The following DNM3 variants were observed in gnomAD, a reference collection of about 807,000 sequenced individuals.
DNM3 encodes the protein dynamin 3.
DNM3 carries 47 observed loss-of-function variants against 101.6 expected under a neutral mutation model. That is an observed-to-expected ratio of 0.46 (90% CI 0.37 to 0.59). The LOEUF is 0.59. DNM3 is among the 20% of genes least tolerant of loss of function. The pLI, the probability that DNM3 is intolerant of heterozygous loss-of-function variation, is 0.00. For missense variants in DNM3, 849 were observed against 1,085.7 expected (o/e 0.78, Z 3.06); for synonymous variants, 385 against 387.9 (o/e 0.99, Z 0.09).
chr1:171,982,563 A>G (rs2044884559), intron 2 of DNM3, among the ~76,000 whole-genome samples: 1 of 151,774 alleles, frequency 6.6e-6, no homozygotes, highest in Non-Finnish European at 1.5e-5. Flanking sequence ...GCAGGTCTGA[A>G]CCCCAGTGAT....
chr1:171,856,037 T>G (rs1464305949), intron 1 of DNM3, among the ~76,000 whole-genome samples: 5 of 152,198 alleles, frequency 3.3e-5, no homozygotes, highest in Non-Finnish European at 1.5e-5. Context: ...TTGAGTTGAT[T>G]TTTATATATG....
chr1:171,924,669 A>C (rs990405022), intron 2 of DNM3, among the ~76,000 whole-genome samples: 8 of 152,176 alleles, frequency 5.3e-5, no homozygotes, highest in South Asian at 2.1e-4. Context: ...CTCCCTTGAC[A>C]TGTGGGGATT....
intron 20 of DNM3, among the ~76,000 whole-genome samples, chr1:172,396,505 T>C (rs2070015060): frequency 6.6e-6 from 1 of 152,210 alleles, no homozygotes; most frequent in Non-Finnish European, 1.5e-5. Context: ...GAAGGGCTAA[T>C]GGACTAACTA....
At position 172,409,939 on chromosome 1, in the gene DNM3, A is replaced by G. The variant is rs990723696; in HGVS notation, c.*2098A>G. ...AGATCAGCACAAACCATGTCAAAAA[A>G]AATTGGAGATTTTTTTCCAATTTTC... On this transcript the variant is annotated 3_prime_UTR_variant, in exon 21 of 21. Coordinates refer to ENST00000627582, the MANE Select transcript of DNM3 (RefSeq NM_015569.5). The G allele has an allele frequency of 2.0e-5, 20 of 985,646 alleles. No individual in the cohort carries two copies. Among genetic ancestry groups the G allele is most frequent in the Middle Eastern group, 1.0e-3 (2 of 1,936 alleles). 61.1% of individuals were successfully genotyped at this position (985,646 alleles called of 1,614,324 possible).
At position 172,044,397 on chromosome 1, in the gene DNM3, GA is replaced by G; in HGVS notation, c.1142del (p.Glu381GlyfsTer8). ...TTTGCATCTGCAGATGGAGTTCAAT[GA>G]GAAAGAATTGCGAAGAGAAATAAGC... Reference protein sequence around the residue: ...PFEIVKMEFNEKELRREISYA... With the variant: ...PFEIVKMEFNXKELRREISYA... On this transcript the variant is annotated frameshift_variant, in exon 9 of 21. Transcript: ENST00000627582. LOFTEE classifies it high-confidence loss of function. The G allele has an allele frequency of 6.2e-7, 1 of 1,607,726 alleles. No individual in the cohort carries two copies. The highest frequency in any genetic ancestry group is 8.5e-7 in the Non-Finnish European group (1 of 1,177,050).
chr1:172,032,323 A>G (rs2048667201), intron 4 of DNM3, 79 bp from the exon 5 acceptor site: 1 of 1,021,676 alleles, frequency 9.8e-7, no homozygotes, highest in Non-Finnish European at 1.5e-6. Context: ...TGTGCTTTAC[A>G]TTTAGCATTG....
At chr1:172,138,351 C>CAAAAA (rs926351922) in intron 14 of DNM3, 2 of 60,230 alleles carry the variant, frequency 3.3e-5, no homozygotes, top group Non-Finnish European at 6.9e-5. Context: ...TATCCCCTTC[C>CAAAAA]AAAAAAAAAA....
At chr1:172,169,186 A>T (rs579989) in intron 14 of DNM3, among the ~76,000 whole-genome samples, 73,808 of 151,546 alleles carry the variant, frequency 0.49, 19,556 homozygotes, top group African/African-American at 0.7. Context: ...TTGAGGGGAT[A>T]TTCCTCCATT....
At chr1:171,966,626 G>A (rs987570310) in intron 2 of DNM3, among the ~76,000 whole-genome samples, 1 of 152,186 alleles carries the variant, frequency 6.6e-6, no homozygotes, top group African/African-American at 2.4e-5. Flanking sequence ...CCACAGAGTT[G>A]TATTACACAA....
At chr1:172,315,183 G>C (rs184363786) in intron 16 of DNM3, among the ~76,000 whole-genome samples, 6 of 152,316 alleles carry the variant, frequency 3.9e-5, no homozygotes, top group Admixed American at 1.3e-4. Context: ...TGAGGGTCCT[G>C]TCTGTTAAAA....
chr1:172,259,350 A>G (rs2062550195), intron 15 of DNM3, among the ~76,000 whole-genome samples: 1 of 152,086 alleles, frequency 6.6e-6, no homozygotes, highest in Non-Finnish European at 1.5e-5. Flanking sequence ...TGGAGTGTAG[A>G]AGTCCCAACT....
At chr1:172,413,460 C>T (rs939042462), downstream of DNM3, among the ~76,000 whole-genome samples, 18 of 152,156 alleles carry the variant, frequency 1.2e-4, no homozygotes, top group Admixed American at 1.3e-4. Flanking sequence ...ATCTCTTGAC[C>T]TCGTGATCTG....
At chr1:172,204,224 T>G (rs528955740) in intron 14 of DNM3, among the ~76,000 whole-genome samples, 1 of 152,242 alleles carries the variant, frequency 6.6e-6, no homozygotes, top group South Asian at 2.1e-4. Flanking sequence ...TTTGGTATGT[T>G]TTATTGTTTT....
At chr1:172,302,371 C>T (rs2064505476) in intron 15 of DNM3, among the ~76,000 whole-genome samples, 1 of 152,218 alleles carries the variant, frequency 6.6e-6, no homozygotes, top group African/African-American at 2.4e-5. Flanking sequence ...AGCTGGGAAG[C>T]TTGAAGTGGG....
chr1:172,377,384 T>C (rs2068656380), intron 17 of DNM3, among the ~76,000 whole-genome samples: 1 of 151,694 alleles, frequency 6.6e-6, no homozygotes. Context: ...TGAAATGCCA[T>C]TACCTGGTAC....
chr1:171,883,328 G>C (rs920241224), intron 1 of DNM3, among the ~76,000 whole-genome samples: 1 of 150,168 alleles, frequency 6.7e-6, no homozygotes, highest in Non-Finnish European at 1.5e-5. Context: ...CTGGACAACA[G>C]AGTGAGACTC....
chr1:172,099,193 A>G (rs897643398), intron 13 of DNM3, among the ~76,000 whole-genome samples: 1 of 152,236 alleles, frequency 6.6e-6, no homozygotes, highest in African/African-American at 2.4e-5. Context: ...ATTAATCAGG[A>G]TAGATTAACC....
At chr1:171,944,226 T>G (rs565009730) in intron 2 of DNM3, among the ~76,000 whole-genome samples, 1 of 152,294 alleles carries the variant, frequency 6.6e-6, no homozygotes, top group Non-Finnish European at 1.5e-5. Flanking sequence ...TAAATTTTTT[T>G]TCAGCCATTT....
chr1:171,862,902 A>G lies in DNM3; in HGVS notation c.161+21085A>G, dbSNP rs559211610. 3.3e-5 allele frequency among the ~76,000 whole-genome samples: 5 copies of G among 152,198 alleles called. No individual in the cohort carries two copies. The East Asian group carries it at 9.7e-4, about 29-fold the overall frequency. On this transcript the variant is annotated intron_variant, in intron 1 of 20. Transcript: ENST00000627582. ...TCTAGAGACTCTTTAGAACTGAGAGAAAAGAGTAGTTTTGTTGGAGTGGTA... is the reference window on the plus strand; with the variant it reads ...TCTAGAGACTCTTTAGAACTGAGAGGAAAGAGTAGTTTTGTTGGAGTGGTA...
Sources: allele counts gnomAD v4.1 joint callset (sites outside exome capture counted in the v4.1 genomes callset), GRCh38; gene constraint gnomAD v4.1.1; transcripts MANE v1.5; gene names NCBI Gene and HGNC (gene_info 2026-07-23, HGNC 2026-07-21).